DYNLT2: variants seen among roughly 807,000 people sequenced by gnomAD.
The protein encoded by DYNLT2 is dynein light chain Tctex-type 2.
In DYNLT2, 24 loss-of-function variants were observed where a neutral mutation model predicts 24.3. That is an observed-to-expected ratio of 0.99 (90% CI 0.71 to 1.39). DYNLT2 has a LOEUF of 1.39. Ranked by LOEUF, DYNLT2 falls within the 40% of genes most tolerant of loss-of-function variation. DYNLT2 has a pLI of 0.00. For missense variants in DYNLT2, 246 were observed against 234.5 expected (o/e 1.05, Z -0.32); for synonymous variants, 85 against 85.4 (o/e 1.00, Z 0.03).
intron 2 of DYNLT2, 63 bp from the exon 3 acceptor site, chr6:169,743,301 C>T (rs1789722709): frequency 4.9e-6 from 5 of 1,027,526 alleles, no homozygotes; most frequent in Non-Finnish European, 6.6e-6. Context: ...TATAAAAATT[C>T]AAGTAGAAAA....
the DYNLT2 span, among the ~76,000 whole-genome samples, chr6:169,732,464 G>A: frequency 1.3e-5 from 2 of 152,064 alleles, no homozygotes; most frequent in African/African-American, 2.4e-5. Context: ...ACAGGCCCTG[G>A]TGTGTGTTGT....
intron 2 of DYNLT2, 114 bp from the exon 3 acceptor site, chr6:169,743,352 A>G: frequency 2.2e-6 from 1 of 457,650 alleles, no homozygotes; most frequent in Non-Finnish European, 3.4e-6. Context: ...TAAAATAAAT[A>G]TATTCCTAAC....
At chr6:169,732,345 T>C in the DYNLT2 span, among the ~76,000 whole-genome samples, 9 of 152,336 alleles carry the variant, frequency 5.9e-5, 1 homozygote, top group South Asian at 2.1e-4. Flanking sequence ...AAAAATGGGA[T>C]ACATGTGCAG....
At chr6:169,725,186 C>A in the DYNLT2 span, 1 of 398,870 alleles carries the variant, frequency 2.5e-6, no homozygotes, top group Non-Finnish European at 4.4e-6. Flanking sequence ...AGCCTGGGTC[C>A]GGGGCGGCCC....
Position 169,751,421 on chromosome 6 carries a change from A to C in DYNLT2, c.38T>G (p.Ile13Ser). The C allele has an allele frequency of 6.2e-7, 1 of 1,613,952 alleles. No homozygotes were observed. Among genetic ancestry groups the C allele is most frequent in the Non-Finnish European group, 8.5e-7 (1 of 1,179,974 alleles). ...KRGRGVKSSP[I>S]QTPNQTPQQA... is the part of the protein sequence containing the mutation. Reference sequence around the variant, plus strand: ...CTGAGGGGTCTGGTTCGGGGTCTGGATGGGGCTCGACTTCACGCCTCGGCC... The same window carrying C: ...CTGAGGGGTCTGGTTCGGGGTCTGGCTGGGGCTCGACTTCACGCCTCGGCC... The change falls in exon 1 of 4, where the codon ATC becomes AGC. Residue 13 changes from isoleucine to serine, a missense_variant. Coordinates refer to ENST00000366774, the MANE Select transcript of DYNLT2 (RefSeq NM_174910.3).
the DYNLT2 span, among the ~76,000 whole-genome samples, chr6:169,734,815 G>A: frequency 1.3e-5 from 2 of 152,120 alleles, no homozygotes; most frequent in Admixed American, 1.3e-4. Context: ...AATGAGTTAG[G>A]GAGGATTCCC....
At chr6:169,731,241 C>T in the DYNLT2 span, among the ~76,000 whole-genome samples, 1,364 of 152,238 alleles carry the variant, frequency 9.0e-3, 17 homozygotes, top group African/African-American at 0.031. Flanking sequence ...CTTTATAATG[C>T]ACCTGGAATC....
At chr6:169,743,266 T>A (rs780314093) in intron 2 of DYNLT2, 28 bp from the exon 3 acceptor site, 1 of 1,370,208 alleles carries the variant, frequency 7.3e-7, no homozygotes, top group South Asian at 1.8e-5. Flanking sequence ...AAAAATACTT[T>A]TATTTTCAAA....
chr6:169,743,803 A>G (rs1009155075), intron 2 of DYNLT2, among the ~76,000 whole-genome samples: 1 of 152,176 alleles, frequency 6.6e-6, no homozygotes, highest in Non-Finnish European at 1.5e-5. Context: ...TAATAAATTA[A>G]TGTATAGCTT....
At chr6:169,726,603 C>T in the DYNLT2 span, among the ~76,000 whole-genome samples, 1 of 152,140 alleles carries the variant, frequency 6.6e-6, no homozygotes, top group Admixed American at 6.5e-5. Flanking sequence ...ACAAAGATTT[C>T]AAGTTAAGAC....
downstream of DYNLT2, among the ~76,000 whole-genome samples, chr6:169,736,024 T>C (rs1789553887): frequency 6.6e-6 from 1 of 152,248 alleles, no homozygotes; most frequent in Non-Finnish European, 1.5e-5. Context: ...AATTGTTCCC[T>C]TTACCATTAC....
Position 169,751,375 on chromosome 6 carries a change from C to A in DYNLT2, c.84G>T (p.Arg28Ser), listed in dbSNP as rs1790051028. 1 of 1,614,042 alleles carries A rather than the reference C, an allele frequency of 6.2e-7. No individual in the cohort carries two copies. Among genetic ancestry groups the A allele is most frequent in the Non-Finnish European group, 8.5e-7 (1 of 1,180,032 alleles). The change falls in exon 1 of 4, where the codon AGG (arginine) becomes AGT (serine). Residue 28 changes from arginine to serine, a missense_variant. Transcript: ENST00000366774. ...QTPQQAPVTP[R>S]KERRPSMFEK... ...CGAACATGCTAGGCCTCCTTTCTTT[C>A]CTAGGCGTCACCGGAGCCTGCTGAG... is the stretch of plus-strand genomic sequence containing the variant.
intron 1 of DYNLT2, among the ~76,000 whole-genome samples, chr6:169,748,139 A>C (rs1789853375): frequency 6.6e-6 from 1 of 151,520 alleles, no homozygotes; most frequent in Admixed American, 6.6e-5. Context: ...CTCCACCTCC[A>C]CTCTCCACCT....
chr6:169,726,625 T>A, the DYNLT2 span, among the ~76,000 whole-genome samples: 1 of 152,230 alleles, frequency 6.6e-6, no homozygotes, highest in African/African-American at 2.4e-5. Context: ...TTGGTTTAAA[T>A]CCCAGCTGTG....
chr6:169,739,770 A>T (rs1375667573), downstream of DYNLT2, among the ~76,000 whole-genome samples: 1 of 152,252 alleles, frequency 6.6e-6, no homozygotes, highest in Non-Finnish European at 1.5e-5. Context: ...AATACAAAGT[A>T]TTAAAATATC....
At chr6:169,726,312 TA>T in the DYNLT2 span, among the ~76,000 whole-genome samples, 57 of 145,948 alleles carry the variant, frequency 3.9e-4, no homozygotes, top group Non-Finnish European at 4.4e-4. Flanking sequence ...AACTAGCAAC[TA>T]AAAAAAAAAA....
intron 1 of DYNLT2, among the ~76,000 whole-genome samples, chr6:169,744,515 A>G (rs532149997): frequency 2.0e-5 from 3 of 152,276 alleles, no homozygotes; most frequent in Admixed American, 2.0e-4. Context: ...ACAAACATAT[A>G]CATACAAATT....
chr6:169,734,811 T>C, the DYNLT2 span, among the ~76,000 whole-genome samples: 2 of 152,172 alleles, frequency 1.3e-5, no homozygotes, highest in Non-Finnish European at 2.9e-5. Context: ...ATAAAATGAG[T>C]TAGGGAGGAT....
chr6:169,743,361 A>G, intron 2 of DYNLT2, 123 bp from the exon 3 acceptor site: 3 of 411,098 alleles, frequency 7.3e-6, no homozygotes, highest in Non-Finnish European at 1.2e-5. Context: ...TATATTCCTA[A>G]CTAAATAATA....
Sources: allele counts gnomAD v4.1 joint callset (sites outside exome capture counted in the v4.1 genomes callset), GRCh38; gene constraint gnomAD v4.1.1; transcripts MANE v1.5; gene names NCBI Gene and HGNC (gene_info 2026-07-23, HGNC 2026-07-21).